Variants in LRRK1 observed in about 807,000 individuals in gnomAD.
LRRK1 encodes leucine-rich repeat serine/threonine-protein kinase 1.
A neutral mutation model predicts 209.1 loss-of-function variants in LRRK1; 113 were observed. That is an observed-to-expected ratio of 0.54 (90% CI 0.46 to 0.63). The LOEUF (loss-of-function observed/expected upper bound fraction) is 0.63, where lower values mean the gene tolerates loss of function less well. LRRK1 is among the 30% of genes least tolerant of loss of function. The pLI is 0.00. For missense variants in LRRK1, 2,284 were observed against 2,632.2 expected, an observed-to-expected ratio of 0.87 and a Z score of 2.89; for synonymous variants, 1,144 against 1,099.7, an observed-to-expected ratio of 1.04 and a Z score of -0.80.
rs780306812 is a variant in LRRK1 at position 101,068,834 on chromosome 15, C to T, written c.6034C>T (p.Arg2012Cys). 7.5e-6 allele frequency: 12 copies of T among 1,602,638 alleles called. No individual in the cohort carries two copies. Among genetic ancestry groups the T allele is most frequent in the South Asian group, 1.1e-5 (1 of 89,292 alleles). The change falls in exon 34 of 34, where the codon CGC becomes TGC. Residue 2012 changes from arginine (R) to cysteine (C), a missense_variant. Coordinates refer to ENST00000388948, the MANE Select transcript of LRRK1 (RefSeq NM_024652.6). ...EELGRLEACT[R>C]KRR ...GCTGGGCCGGCTGGAGGCTTGCACT[C>T]GCAAGAGAAGGTAATTCCTGTGGAA...
At chr15:101,061,387 C>A in intron 30 of LRRK1, 99 bp downstream of exon 30, 2 of 778,596 alleles carry the variant, frequency 2.6e-6, no homozygotes, top group South Asian at 3.2e-5. Flanking sequence ...GACGCCAGGT[C>A]AAGTGAACTT....
intron 12 of LRRK1, among the ~76,000 whole-genome samples, chr15:101,018,404 G>T (rs778625949): frequency 2.4e-4 from 37 of 152,216 alleles, no homozygotes; most frequent in Non-Finnish European, 4.3e-4. Flanking sequence ...TTAGAAGGAA[G>T]GGGAAACAAA....
At chr15:101,016,461 C>T (rs900819345) in intron 12 of LRRK1, among the ~76,000 whole-genome samples, 1 of 143,520 alleles carries the variant, frequency 7.0e-6, no homozygotes, top group Non-Finnish European at 1.5e-5. Flanking sequence ...GCTGGGATTA[C>T]AGGTGTGAGC....
chr15:100,962,218 C>T (rs901612648), intron 2 of LRRK1, among the ~76,000 whole-genome samples: 1 of 151,974 alleles, frequency 6.6e-6, no homozygotes, highest in Non-Finnish European at 1.5e-5. Context: ...TTGAAAAACA[C>T]AGAAAAATAG....
chr15:101,029,166 AG>A lies in LRRK1; in HGVS notation c.2898del (p.Thr967ArgfsTer54), dbSNP rs769873019. ...MLLVGTGFTQ[Q>X]TEEQYFQFLA... ...CTGGTGGGGACTGGCTTCACGCAGC[AG>A]ACGGAAGAGCAGTACTTCCAGTTCC... is the stretch of plus-strand genomic sequence containing the variant. On this transcript the variant is annotated frameshift_variant, in exon 20 of 34. Transcript: ENST00000388948. LOFTEE classifies it high-confidence loss of function. 1.9e-5 allele frequency: 31 copies of A among 1,614,204 alleles called. No individual in the cohort carries two copies. Among genetic ancestry groups the A allele is most frequent in the Non-Finnish European group, 2.6e-5 (31 of 1,180,024 alleles).
intron 20 of LRRK1, among the ~76,000 whole-genome samples, chr15:101,036,606 TA>T (rs2034503115): frequency 6.6e-6 from 1 of 152,252 alleles, no homozygotes; most frequent in South Asian, 2.1e-4. Flanking sequence ...CAGGATTTTA[TA>T]AATTTGTTCT....
At chr15:100,973,195 A>G (rs557036751) in intron 2 of LRRK1, among the ~76,000 whole-genome samples, 1 of 152,210 alleles carries the variant, frequency 6.6e-6, no homozygotes, top group African/African-American at 2.4e-5. Context: ...TCTCCTCCCG[A>G]GTGGCAGCAG....
In LRRK1 at chr15:100,919,727, C is replaced by A. The variant is rs1433381279; in HGVS notation, c.-123+276C>A. The stretch of plus-strand genomic sequence containing the variant: ...CCAGCCAGCCTGTGGGAGGGGAGCG[C>A]GCGGGGCCCGAGCAGGGAACCCCGA... On this transcript the variant is annotated intron_variant, in intron 1 of 33. Transcript: ENST00000388948. The surrounding 1 kb of genome is among the most constrained non-coding windows in gnomAD (Gnocchi z 5.8). Among the ~76,000 whole-genome samples, 1 of 152,082 alleles carries A rather than the reference C, an allele frequency of 6.6e-6. No individual in the cohort carries two copies. The highest frequency in any genetic ancestry group is 1.5e-5 in the Non-Finnish European group (1 of 67,986).
intron 2 of LRRK1, among the ~76,000 whole-genome samples, chr15:100,955,094 G>A (rs1424632973): frequency 2.0e-5 from 3 of 152,160 alleles, no homozygotes; most frequent in African/African-American, 7.2e-5. Context: ...ATCACTTTGA[G>A]TAGTATGGAC....
intron 2 of LRRK1, among the ~76,000 whole-genome samples, chr15:100,950,825 CG>C (rs547016862): frequency 1.5e-3 from 226 of 152,324 alleles, no homozygotes; most frequent in Non-Finnish European, 2.4e-3. Flanking sequence ...AAGAGCAGGC[CG>C]GGCGCGGTGG....
In LRRK1 at chr15:101,077,988, A is replaced by G. The variant is rs1403715789; in HGVS notation, c.*9140A>G. On this transcript the variant is annotated 3_prime_UTR_variant, in exon 34 of 34. Transcript: ENST00000388948. ...ACTGATGACATTCCACCACAAAAGA[A>G]GTGTAAATGGCTGGTTCTTGCCTTA... 6.5e-6 allele frequency: 1 copy of G among 153,678 alleles called. No individual in the cohort carries two copies. Among genetic ancestry groups the G allele is most frequent in the Non-Finnish European group, 1.4e-5 (1 of 69,102 alleles). The allele number at this position is 153,678 out of a possible 1,614,324, so 9.5% of individuals were successfully genotyped here. A position where few individuals can be genotyped will look rare whatever the true frequency, so the allele number is the denominator to read the frequency against.
Position 101,069,102 on chromosome 15 carries a change from T to C in LRRK1, c.*254T>C. 1 of 377,282 alleles carries C rather than the reference T, an allele frequency of 2.7e-6. No individual in the cohort carries two copies. The highest frequency in any genetic ancestry group is 4.8e-6 in the Non-Finnish European group (1 of 209,962). 23.4% of individuals were successfully genotyped at this position (377,282 alleles called of 1,614,324 possible). ...TTTACAGCCCCAGGGAAGACAGTGG[T>C]ATCAGGCTGGGAGCGGCCTCCTCTG... On this transcript the variant is annotated 3_prime_UTR_variant, in exon 34 of 34. Transcript: ENST00000388948.
At chr15:101,007,235 T>C (rs1005221863) in intron 6 of LRRK1, among the ~76,000 whole-genome samples, 1 of 152,224 alleles carries the variant, frequency 6.6e-6, no homozygotes, top group African/African-American at 2.4e-5. Context: ...TAGCCTCTGC[T>C]TGTTACATTT....
rs1432762901 is a variant in LRRK1 at position 101,066,142 on chromosome 15, C to T, written c.5705C>T (p.Thr1902Ile). 1.9e-6 allele frequency: 3 copies of T among 1,613,986 alleles called. No individual in the cohort carries two copies. The highest frequency in any genetic ancestry group is 4.5e-5 in the East Asian group (2 of 44,868). Residue 1902 changes from threonine (T) to isoleucine (I), a missense_variant, in exon 32 of 34, where the codon ACC becomes ATC. Thr to Ile is a moderately conservative substitution (Grantham distance 89, BLOSUM62 -1). This residue lies in a region of LRRK1 where 643 missense variants were observed against 695.9 expected (regional missense o/e 0.92). Coordinates refer to ENST00000388948, the MANE Select transcript of LRRK1 (RefSeq NM_024652.6). ...EHDLTPMDGE[T>I]FSQHLQAVKI... ...GACCTGACCCCCATGGACGGGGAGA[C>T]CTTCAGCCAGCACCTGCAGGCCGTG...
At chr15:101,036,312 T>C (rs980219223) in intron 20 of LRRK1, among the ~76,000 whole-genome samples, 2 of 152,192 alleles carry the variant, frequency 1.3e-5, no homozygotes, top group Admixed American at 6.5e-5. Context: ...TTTATTTTTG[T>C]CTAACTCTGT....
chr15:100,961,087 G>A (rs1055612506), intron 2 of LRRK1, among the ~76,000 whole-genome samples: 13 of 152,198 alleles, frequency 8.5e-5, no homozygotes, highest in African/African-American at 3.1e-4. Context: ...AAAGCTGGGA[G>A]GTCTATGGCT....
chr15:101,029,752 C>A (rs4965762), intron 20 of LRRK1, among the ~76,000 whole-genome samples: 98,144 of 151,960 alleles, frequency 0.65, 33,393 homozygotes, highest in South Asian at 0.79. Flanking sequence ...CCTGTAATCC[C>A]AGCTACTTGG....
At chr15:101,031,215 C>G (rs11247254) in intron 20 of LRRK1, among the ~76,000 whole-genome samples, 121,197 of 152,192 alleles carry the variant, frequency 0.8, 49,470 homozygotes, top group Non-Finnish European at 0.91. Flanking sequence ...GCACCTGCCT[C>G]AAGACACAGA....
At chr15:100,957,708 TA>T (rs1305801612) in intron 2 of LRRK1, among the ~76,000 whole-genome samples, 1 of 152,248 alleles carries the variant, frequency 6.6e-6, no homozygotes, top group African/African-American at 2.4e-5. Flanking sequence ...GGATCTCTTA[TA>T]GGTAGCATAT....
Sources: allele counts gnomAD v4.1 joint callset (sites outside exome capture counted in the v4.1 genomes callset), GRCh38; gene constraint gnomAD v4.1.1; regional missense constraint gnomAD v4.1.1; non-coding constraint Gnocchi (gnomAD v3.1); transcripts MANE v1.5; gene names NCBI Gene and HGNC (gene_info 2026-07-23, HGNC 2026-07-21).